The following CCNY variants were observed in gnomAD, a reference collection of about 807,000 sequenced individuals.
The protein encoded by CCNY is cyclin-Y.
Under a neutral mutation model 42.8 loss-of-function variants are expected in CCNY, and 19 were observed. The observed-to-expected ratio is 0.44, with a 90% CI of 0.31 to 0.65. The LOEUF is 0.65. Ranked by LOEUF, CCNY falls within the 30% of genes least tolerant of loss-of-function variation. The pLI, the probability that CCNY is intolerant of heterozygous loss-of-function variation, is 0.07. For missense variants in CCNY, 370 were observed against 437.3 expected (o/e 0.85, Z 1.37); for synonymous variants, 165 against 162.7 (o/e 1.01, Z -0.11).
intron 1 of CCNY, among the ~76,000 whole-genome samples, chr10:35,475,282 A>G (rs889986630): frequency 3.9e-5 from 6 of 152,194 alleles, no homozygotes; most frequent in Non-Finnish European, 8.8e-5. Context: ...CAGGAAATAC[A>G]GAGAACGCCA....
chr10:35,477,753 C>T (rs904889504), intron 1 of CCNY, among the ~76,000 whole-genome samples: 1 of 152,104 alleles, frequency 6.6e-6, no homozygotes, highest in Non-Finnish European at 1.5e-5. Context: ...TCTCTCGCCA[C>T]TCCTATTCAA....
chr10:35,316,830 T>C (rs1835765675), intron 3 of CCNY, among the ~76,000 whole-genome samples: 1 of 152,232 alleles, frequency 6.6e-6, no homozygotes, highest in African/African-American at 2.4e-5. Flanking sequence ...CTGATTGAGG[T>C]ATTGGTAGAG....
At chr10:35,322,495 G>A (rs1835832936) in intron 3 of CCNY, among the ~76,000 whole-genome samples, 1 of 151,710 alleles carries the variant, frequency 6.6e-6, no homozygotes, top group Non-Finnish European at 1.5e-5. Flanking sequence ...TATAAAAGAA[G>A]ATAGCAAAAA....
At chr10:35,319,294 T>C (rs995767569) in intron 3 of CCNY, among the ~76,000 whole-genome samples, 1 of 152,192 alleles carries the variant, frequency 6.6e-6, no homozygotes, top group African/African-American at 2.4e-5. Context: ...GCAGGAGGAC[T>C]GCCTGAGACC....
intron 3 of CCNY, among the ~76,000 whole-genome samples, chr10:35,296,653 A>G (rs1034242242): frequency 6.6e-6 from 1 of 152,198 alleles, no homozygotes; most frequent in Non-Finnish European, 1.5e-5. Context: ...TGAAATTACC[A>G]CCATCTGCAC....
intron 1 of CCNY, among the ~76,000 whole-genome samples, chr10:35,380,514 A>G (rs1350781796): frequency 2.0e-5 from 3 of 152,268 alleles, no homozygotes; most frequent in Non-Finnish European, 1.5e-5. Context: ...GAAAGTTTCA[A>G]AACTATACAG....
chr10:35,542,051 T>A (rs1841012942), intron 7 of CCNY, among the ~76,000 whole-genome samples: 1 of 149,632 alleles, frequency 6.7e-6, no homozygotes, highest in Non-Finnish European at 1.5e-5. Context: ...CAGGACACCA[T>A]ATTGTATCTA....
chr10:35,272,968 G>GGT (rs1189206932), intron 3 of CCNY, among the ~76,000 whole-genome samples: 1 of 151,270 alleles, frequency 6.6e-6, no homozygotes, highest in Admixed American at 6.6e-5. Context: ...CACTCTGACT[G>GGT]GTGTGAGATG....
chr10:35,451,341 T>G (rs1211405060), intron 1 of CCNY, among the ~76,000 whole-genome samples: 1 of 152,216 alleles, frequency 6.6e-6, no homozygotes, highest in African/African-American at 2.4e-5. Flanking sequence ...GAGCAGAACT[T>G]GCTGTATTAT....
chr10:35,457,225 C>T (rs912475661), intron 1 of CCNY, among the ~76,000 whole-genome samples: 1 of 152,128 alleles, frequency 6.6e-6, no homozygotes, highest in Non-Finnish European at 1.5e-5. Flanking sequence ...ATTATGTAGC[C>T]GTGATTTCAG....
intron 1 of CCNY, among the ~76,000 whole-genome samples, chr10:35,409,537 A>G (rs1246247142): frequency 6.6e-6 from 1 of 152,182 alleles, no homozygotes; most frequent in Non-Finnish European, 1.5e-5. Flanking sequence ...TGCTCTCTGG[A>G]GGTCTGGGCA....
rs1034888295 is a variant in CCNY, at chr10:35,435,017, G to A, written c.155-48387G>A. 3.3e-5 allele frequency among the ~76,000 whole-genome samples: 5 copies of A among 152,304 alleles called. No individual in the cohort carries two copies. The South Asian group carries it at 1.0e-3, about 32-fold the overall frequency. ...TGGACTGGTGAAGAAGGCAGGGGGC[G>A]AGGAGGCAAATGAGGAAACCCAAAG... On this transcript the variant is annotated intron_variant, in intron 1 of 9. Transcript: ENST00000374704.
rs1057371062 is a variant in CCNY, at chr10:35,528,727, AAATAAT to A, written c.402-1236_402-1231del. ...TGACAGAGCAAGACTCCGTCTCAAA[AAATAAT>A]AATAATAATTGCTGTTGTGCAAATG... On this transcript the variant is annotated intron_variant, in intron 5 of 9. Coordinates refer to ENST00000374704, the MANE Select transcript of CCNY (RefSeq NM_145012.6). 3.3e-5 allele frequency among the ~76,000 whole-genome samples: 5 copies of A among 152,306 alleles called. No individual in the cohort carries two copies. The South Asian group carries it at 1.0e-3, about 32-fold the overall frequency.
chr10:35,514,203 T>A, intron 3 of CCNY, among the ~76,000 whole-genome samples: 1 of 152,138 alleles, frequency 6.6e-6, no homozygotes, highest in Non-Finnish European at 1.5e-5. Flanking sequence ...ATTCTATGAG[T>A]CTTGTAGTCC....
At chr10:35,274,137 C>T (rs1835207576) in intron 3 of CCNY, among the ~76,000 whole-genome samples, 1 of 152,138 alleles carries the variant, frequency 6.6e-6, no homozygotes, top group Non-Finnish European at 1.5e-5. Context: ...GGAGGCCTCA[C>T]AATCATGGCA....
At chr10:35,257,214 T>TCCTC (rs774309229) in intron 3 of CCNY, among the ~76,000 whole-genome samples, 31 of 92,012 alleles carry the variant, frequency 3.4e-4, no homozygotes, top group East Asian at 1.7e-3. Context: ...TTTTCTTTTC[T>TCCTC]CCTCCCTCCC....
At chr10:35,409,012 T>C (rs1477042113) in intron 1 of CCNY, among the ~76,000 whole-genome samples, 1 of 152,026 alleles carries the variant, frequency 6.6e-6, no homozygotes, top group Admixed American at 6.5e-5. Context: ...CTTGACCCAA[T>C]GCAAAGATGA....
At chr10:35,264,531 CATT>C (rs1282435133) in intron 3 of CCNY, among the ~76,000 whole-genome samples, 17 of 152,116 alleles carry the variant, frequency 1.1e-4, no homozygotes, top group Admixed American at 7.9e-4. Context: ...GATGGTATCT[CATT>C]GTAGTTTTGA....
intron 3 of CCNY, among the ~76,000 whole-genome samples, chr10:35,281,888 T>C (rs568842056): frequency 7.2e-5 from 11 of 152,342 alleles, no homozygotes; most frequent in African/African-American, 2.6e-4. Context: ...AAATGAGATA[T>C]GTTTTATCTC....
Sources: allele counts gnomAD v4.1 joint callset (sites outside exome capture counted in the v4.1 genomes callset), GRCh38; gene constraint gnomAD v4.1.1; transcripts MANE v1.5; gene names NCBI Gene and HGNC (gene_info 2026-07-23, HGNC 2026-07-21).